MAP3K5: variants seen among roughly 807,000 people sequenced by gnomAD.
MAP3K5 encodes ASK-1.
A neutral mutation model predicts 158.7 loss-of-function variants in MAP3K5; 56 were observed. The ratio of observed to expected loss-of-function variants is 0.35; its 90% confidence interval spans 0.28 to 0.44. The LOEUF is 0.44. MAP3K5 is among the 20% of genes least tolerant of loss of function. The pLI, the probability that MAP3K5 is intolerant of heterozygous loss-of-function variation, is 1.00. For missense variants in MAP3K5, 1,294 were observed against 1,674.8 expected (o/e 0.77, Z 3.97); for synonymous variants, 579 against 601.7 (o/e 0.96, Z 0.55).
chr6:136,736,994 T>G (rs1180940153), intron 1 of MAP3K5, among the ~76,000 whole-genome samples: 1 of 148,876 alleles, frequency 6.7e-6, no homozygotes, highest in African/African-American at 2.5e-5. Flanking sequence ...ATGTTGTTAT[T>G]TTTTTAATGT....
chr6:136,578,760 T>G (rs1774732307), intron 25 of MAP3K5, among the ~76,000 whole-genome samples: 3 of 151,992 alleles, frequency 2.0e-5, no homozygotes, highest in Admixed American at 1.3e-4. Context: ...ACACGGATGC[T>G]CTCGCTCTCA....
At chr6:136,626,121 A>G (rs1049652681) in intron 14 of MAP3K5, among the ~76,000 whole-genome samples, 2 of 152,220 alleles carry the variant, frequency 1.3e-5, no homozygotes, top group Non-Finnish European at 2.9e-5. Flanking sequence ...GTACACACGC[A>G]TGACTCGAGA....
chr6:136,759,481 T>TATATATATATATATATAA (rs1158953652), intron 1 of MAP3K5, among the ~76,000 whole-genome samples: 2 of 143,016 alleles, frequency 1.4e-5, no homozygotes, highest in African/African-American at 5.2e-5. Flanking sequence ...TATATATATA[T>TATATATATATATATATAA]AAAGTTTGAG....
chr6:136,614,361 G>A, intron 15 of MAP3K5, 75 bp from the exon 16 acceptor site: 2 of 1,516,642 alleles, frequency 1.3e-6, no homozygotes, highest in Non-Finnish European at 1.8e-6. Flanking sequence ...AATACAAATG[G>A]AAAATGTCAG....
intron 7 of MAP3K5, among the ~76,000 whole-genome samples, chr6:136,690,934 C>G (rs1479606069): frequency 6.6e-6 from 1 of 152,112 alleles, no homozygotes. Context: ...CTTTACTTCA[C>G]CCCCATATTT....
chr6:136,750,235 G>T (rs910470837), intron 1 of MAP3K5, among the ~76,000 whole-genome samples: 1 of 152,082 alleles, frequency 6.6e-6, no homozygotes, highest in Non-Finnish European at 1.5e-5. Flanking sequence ...GCACGAGCAC[G>T]CCTGGCTAAT....
At chr6:136,725,338 C>T (rs1235934864) in intron 1 of MAP3K5, among the ~76,000 whole-genome samples, 1 of 152,236 alleles carries the variant, frequency 6.6e-6, no homozygotes, top group Non-Finnish European at 1.5e-5. Context: ...AGGAGCATCT[C>T]AGCTGTCCAA....
chr6:136,771,102 G>C (rs1479971138), intron 1 of MAP3K5, among the ~76,000 whole-genome samples: 1 of 152,130 alleles, frequency 6.6e-6, no homozygotes, highest in African/African-American at 2.4e-5. Context: ...CAGGTATGGA[G>C]AGTAGAGCAG....
In MAP3K5 at chr6:136,708,912, C is replaced by T. The variant is rs185708315; in HGVS notation, c.589-3779G>A. ...TTGATAGAATATCCTTCTCTCTTCC[C>T]CTCTGAGTAACGAGGAAATGCCCTC... On this transcript the variant is annotated intron_variant, in intron 2 of 29. Coordinates refer to ENST00000359015, the MANE Select transcript of MAP3K5 (RefSeq NM_005923.4). Among the ~76,000 whole-genome samples, 201 of 152,236 alleles carry T rather than the reference C, an allele frequency of 1.3e-3. 1 individual carries two copies. Among genetic ancestry groups the T allele is most frequent in the Middle Eastern group, 3.4e-3 (1 of 294 alleles).
intron 2 of MAP3K5, among the ~76,000 whole-genome samples, chr6:136,706,558 GAAACAGAA>G (rs1300376213): frequency 6.6e-6 from 1 of 152,188 alleles, no homozygotes; most frequent in Non-Finnish European, 1.5e-5. Flanking sequence ...TGTTGCCATG[GAAACAGAA>G]ATAGTAAGGC....
intron 7 of MAP3K5, among the ~76,000 whole-genome samples, chr6:136,677,359 G>A (rs898467299): frequency 2.0e-5 from 3 of 151,980 alleles, no homozygotes; most frequent in African/African-American, 4.8e-5. Context: ...GGATGGTCTC[G>A]ATCTCTTGAC....
At chr6:136,618,516 G>T (rs567019615) in intron 15 of MAP3K5, among the ~76,000 whole-genome samples, 8 of 152,352 alleles carry the variant, frequency 5.3e-5, no homozygotes, top group Non-Finnish European at 1.0e-4. Flanking sequence ...GATTTTAAAA[G>T]TGAGTTTCTT....
chr6:136,792,497 C>A, upstream of MAP3K5: 1 of 572,892 alleles, frequency 1.7e-6, no homozygotes, highest in Non-Finnish European at 2.2e-6. This position sits in a 1 kb window ranked among gnomAD's most constrained non-coding sequence, Gnocchi z 5.7. Context: ...CGCCGCGGTG[C>A]AGCTCAAGGG....
At chr6:136,638,714 T>C (rs1777770038) in intron 13 of MAP3K5, among the ~76,000 whole-genome samples, 1 of 152,184 alleles carries the variant, frequency 6.6e-6, no homozygotes, top group Non-Finnish European at 1.5e-5. Flanking sequence ...GAGCCAAGAA[T>C]TGTGGATTCA....
chr6:136,559,310 C>T, intron 28 of MAP3K5, among the ~76,000 whole-genome samples: 1 of 151,366 alleles, frequency 6.6e-6, no homozygotes, highest in Non-Finnish European at 1.5e-5. Flanking sequence ...TGAGATTGAC[C>T]CACTGCACTC....
intron 11 of MAP3K5, among the ~76,000 whole-genome samples, chr6:136,649,105 G>A (rs1238334080): frequency 6.6e-6 from 1 of 152,180 alleles, no homozygotes; most frequent in Non-Finnish European, 1.5e-5. Flanking sequence ...GAGTAGTGGG[G>A]ATTACAGGCA....
chr6:136,712,566 G>C (rs1781352997), intron 2 of MAP3K5, among the ~76,000 whole-genome samples: 1 of 151,864 alleles, frequency 6.6e-6, no homozygotes, highest in Admixed American at 6.6e-5. Context: ...CACCTAATTG[G>C]GTCACATTAT....
At chr6:136,618,014 T>C (rs1353367308) in intron 15 of MAP3K5, among the ~76,000 whole-genome samples, 2 of 152,136 alleles carry the variant, frequency 1.3e-5, no homozygotes, top group South Asian at 2.1e-4. Context: ...TAACAACTAG[T>C]TGGGGGTGGA....
intron 7 of MAP3K5, among the ~76,000 whole-genome samples, chr6:136,684,620 C>A (rs1402908382): frequency 1.3e-5 from 2 of 152,110 alleles, no homozygotes; most frequent in African/African-American, 4.8e-5. Flanking sequence ...AGTCTCAGCT[C>A]TTTAGTCACA....
Sources: gnomAD v4.1 joint callset for allele counts (sites outside exome capture counted in the v4.1 genomes callset) on GRCh38, gnomAD v4.1.1 for gene constraint, Gnocchi (gnomAD v3.1) non-coding constraint, MANE v1.5 for transcripts, NCBI Gene and HGNC (gene_info 2026-07-23, HGNC 2026-07-21) for gene names.